Variants in RALY observed in about 807,000 individuals in gnomAD.
The protein encoded by RALY is RALY heterogeneous nuclear ribonucleoprotein.
RALY carries 15 observed loss-of-function variants against 30.7 expected under a neutral mutation model. The ratio of observed to expected loss-of-function variants is 0.49; its 90% CI spans 0.33 to 0.75. RALY has a LOEUF of 0.75. RALY is among the 30% of genes least tolerant of loss of function. RALY has a pLI of 0.02. For missense variants in RALY, 339 were observed against 414.3 expected, an observed-to-expected ratio of 0.82 and a Z score of 1.58; for synonymous variants, 177 against 170.8, an observed-to-expected ratio of 1.04 and a Z score of -0.28.
At chr20:34,053,103 G>A (rs1423932072) in intron 2 of RALY, among the ~76,000 whole-genome samples, 1 of 151,302 alleles carries the variant, frequency 6.6e-6, no homozygotes, top group Non-Finnish European at 1.5e-5. Flanking sequence ...CAGGTGATCC[G>A]CCTGCCTCGG....
At chr20:34,048,133 G>T (rs1021030656) in intron 2 of RALY, among the ~76,000 whole-genome samples, 2 of 152,196 alleles carry the variant, frequency 1.3e-5, no homozygotes, top group African/African-American at 4.8e-5. Context: ...GGTCCTTGGG[G>T]ATCCTAGCTT....
At chr20:34,026,378 ATTTATTTATTTATTTATTTAT>A (rs2032036146) in intron 1 of RALY, among the ~76,000 whole-genome samples, 1 of 106,738 alleles carries the variant, frequency 9.4e-6, no homozygotes, top group Admixed American at 8.3e-5. Context: ...CAGACATTTT[ATTTATTTATTTATTTATTTAT>A]TTATTTATTT....
chr20:34,084,224 C>A lies in RALY; in HGVS notation c.*4319C>A, dbSNP rs1211831581. On this transcript the variant is annotated 3_prime_UTR_variant, in exon 10 of 10. Transcript: ENST00000246194. ...GTAGTCCCCGCTACTTGGGGGACTA[C>A]AGTGGGAGATCATTTGCACCTAGGA... 1 of 152,068 alleles carries A rather than the reference C, an allele frequency of 6.6e-6. No individual in the cohort carries two copies. Among genetic ancestry groups the A allele is most frequent in the African/African-American group, 2.4e-5 (1 of 41,390 alleles). The allele number at this position is 152,068 out of a possible 1,614,324, so 9.4% of individuals were successfully genotyped here. A position where few individuals can be genotyped will look rare whatever the true frequency, so the allele number is the denominator to read the frequency against.
chr20:33,999,851 C>T (rs1021530140), intron 1 of RALY, among the ~76,000 whole-genome samples: 3 of 151,850 alleles, frequency 2.0e-5, no homozygotes, highest in African/African-American at 2.4e-5. Context: ...GTCTTTTTCT[C>T]GGGTGGCACG....
rs369442898 is a variant in RALY, at chr20:34,076,001, C to G, written c.505C>G (p.Arg169Gly). 1.9e-6 allele frequency: 3 copies of G among 1,614,198 alleles called. No individual in the cohort carries two copies. The highest frequency in any genetic ancestry group is 2.5e-6 in the Non-Finnish European group (3 of 1,180,024). ...KTNVPVKLFA[R>G]STAVTTSSAK... ...TAACGTACCTGTCAAGCTCTTTGCC[C>G]GCTCCACAGCTGTCACCACCAGCTC... The change falls in exon 6 of 10, where the codon CGC becomes GGC. Residue 169 changes from arginine (R) to glycine (G), a missense_variant. By Grantham distance (125) the Arg-to-Gly change is moderately radical (BLOSUM62 -2). Around this residue, in one of 2 missense-constraint regions of RALY, gnomAD observed 268 missense variants for 280.6 expected, o/e 0.95. Transcript: ENST00000246194.
At chr20:34,064,783 C>A (rs1568690053) in intron 2 of RALY, among the ~76,000 whole-genome samples, 1 of 152,176 alleles carries the variant, frequency 6.6e-6, no homozygotes, top group South Asian at 2.1e-4. Context: ...TTTCTTAATA[C>A]CTGCTAGTCC....
chr20:34,064,960 C>T (rs1242111538), intron 2 of RALY: 2 of 152,150 alleles, frequency 1.3e-5, no homozygotes, highest in Non-Finnish European at 2.9e-5. Flanking sequence ...GAACTCAGTC[C>T]TGTCGGACTC....
In RALY at chr20:34,046,924, A is replaced by G. The variant is rs918127622; in HGVS notation, c.-10+15320A>G. On this transcript the variant is annotated intron_variant, in intron 2 of 9. Transcript: ENST00000246194. ...AGCCTCCACCTCTTGGGTTGAAGCA[A>G]TTCTCCTGCCTCAGCCTCCTGAGTA... is the stretch of plus-strand genomic sequence containing the variant. Among the ~76,000 whole-genome samples, 6 of 149,658 alleles carry G rather than the reference A, an allele frequency of 4.0e-5. No homozygotes were observed. The East Asian group carries it at 5.9e-4, about 15-fold the overall frequency.
chr20:34,042,755 C>T (rs551531636), intron 2 of RALY, among the ~76,000 whole-genome samples: 8 of 152,280 alleles, frequency 5.3e-5, no homozygotes, highest in African/African-American at 1.9e-4. Context: ...AATATTTTAT[C>T]TGCGTATTAA....
At chr20:34,046,334 A>G (rs2032878646) in intron 2 of RALY, among the ~76,000 whole-genome samples, 1 of 152,192 alleles carries the variant, frequency 6.6e-6, no homozygotes, top group African/African-American at 2.4e-5. Flanking sequence ...GCTGGGACCA[A>G]AGAAATCTTA....
In RALY at chr20:34,083,715, TTTGCCATCCCTGGCCAGGTTGACCCG is replaced by T. The variant is rs1427435152; in HGVS notation, c.*3812_*3837del. The T allele has an allele frequency of 6.6e-6, 1 of 152,236 alleles. No homozygotes were observed. The highest frequency in any genetic ancestry group is 1.5e-5 in the Non-Finnish European group (1 of 68,050). The allele number at this position is 152,236 out of a possible 1,614,324, so 9.4% of individuals were successfully genotyped here. On this transcript the variant is annotated 3_prime_UTR_variant, in exon 10 of 10. Transcript: ENST00000246194. ...AGTGTGGGCACGTGAGCGTCAGGTA[TTTGCCATCCCTGGCCAGGTTGACCCG>T]TAAGGTCATAACCTGCCCCATAGGA...
At chr20:34,051,996 G>A (rs2033094258) in intron 2 of RALY, among the ~76,000 whole-genome samples, 1 of 152,192 alleles carries the variant, frequency 6.6e-6, no homozygotes, top group African/African-American at 2.4e-5. Flanking sequence ...AAGAGAACTG[G>A]ATAAGAAGGG....
chr20:34,050,673 C>G (rs943209664), intron 2 of RALY, among the ~76,000 whole-genome samples: 3 of 152,200 alleles, frequency 2.0e-5, no homozygotes, highest in Admixed American at 2.0e-4. Flanking sequence ...GTCACCTCCC[C>G]CTCTTGCCAT....
intron 8 of RALY, 140 bp from the exon 9 acceptor site, chr20:34,078,365 C>T (rs1274886282): frequency 7.6e-6 from 5 of 661,260 alleles, no homozygotes; most frequent in Non-Finnish European, 9.1e-6. Context: ...ATAGTCATTC[C>T]CCTTGGCTGT....
chr20:34,044,464 G>A (rs1291622908), intron 2 of RALY, among the ~76,000 whole-genome samples: 1 of 152,076 alleles, frequency 6.6e-6, no homozygotes, highest in African/African-American at 2.4e-5. Context: ...GGGATTACAG[G>A]CATGCACCAC....
chr20:34,046,295 G>T (rs189450937), intron 2 of RALY, among the ~76,000 whole-genome samples: 49 of 152,212 alleles, frequency 3.2e-4, no homozygotes, highest in African/African-American at 1.1e-3. Flanking sequence ...GTTGGATATA[G>T]TTGGATTTGA....
At chr20:34,071,505 CTGACCTTAGG>C (rs1414077470) in intron 2 of RALY, among the ~76,000 whole-genome samples, 1 of 152,034 alleles carries the variant, frequency 6.6e-6, no homozygotes, top group Non-Finnish European at 1.5e-5. Context: ...TTTCGAACTC[CTGACCTTAGG>C]TGATGCACCC....
Position 34,076,790 on chromosome 20 carries a change from C to T in RALY, c.633C>T (p.Ile211=), listed in dbSNP as rs141731214. 1.7e-3 allele frequency: 2,688 copies of T among 1,614,082 alleles called. 2 individuals are homozygous for T. Among genetic ancestry groups the T allele is most frequent in the Non-Finnish European group, 2.1e-3 (2,467 of 1,180,016 alleles). The change falls in exon 7 of 10, where the codon ATC becomes ATT. Residue 211 remains isoleucine (I), a synonymous_variant. Transcript: ENST00000246194. ...CCCTGCTGAGCCGCTTGGAGCAGAT[C>T]GCTGCGGAGCAAAAGGCCAATCCAG... ...IDALLSRLEQ[I]AAEQKANPDG...
At chr20:34,026,923 C>G (rs910673805) in intron 1 of RALY, among the ~76,000 whole-genome samples, 1 of 152,082 alleles carries the variant, frequency 6.6e-6, no homozygotes, top group African/African-American at 2.4e-5. Flanking sequence ...TAAGAGTTGC[C>G]GGGCAGGTTT....
Sources: gnomAD v4.1 joint callset for allele counts (sites outside exome capture counted in the v4.1 genomes callset) on GRCh38, gnomAD v4.1.1 for gene constraint, gnomAD v4.1.1 regional missense constraint, MANE v1.5 for transcripts, NCBI Gene and HGNC (gene_info 2026-07-23, HGNC 2026-07-21) for gene names.